The following CUX1 variants were observed in gnomAD, a reference collection of about 807,000 sequenced individuals.
CUX1 encodes protein CASP.
Under a neutral mutation model 158.8 loss-of-function variants are expected in CUX1, and 31 were observed. The ratio of observed to expected loss-of-function variants is 0.20; its 90% CI spans 0.15 to 0.26. CUX1 has a LOEUF of 0.26. CUX1 is among the 10% of genes least tolerant of loss of function. CUX1 has a pLI of 1.00. For missense variants in CUX1, 1,589 were observed against 2,014.6 expected, an observed-to-expected ratio of 0.79 and a Z score of 4.04; for synonymous variants, 879 against 862.1, an observed-to-expected ratio of 1.02 and a Z score of -0.34.
chr7:102,103,168 C>T (rs938628984), intron 5 of CUX1, among the ~76,000 whole-genome samples: 3 of 152,162 alleles, frequency 2.0e-5, no homozygotes, highest in Non-Finnish European at 2.9e-5. Context: ...AGGACTCCTC[C>T]AGGCCACATG....
rs932291794 is a variant in CUX1 at position 101,869,914 on chromosome 7, A to G, written c.31-46201A>G. Among the ~76,000 whole-genome samples the G allele has an allele frequency of 3.2e-4, 49 of 152,020 alleles. No individual in the cohort carries two copies. Among genetic ancestry groups the G allele is most frequent in the South Asian group, 2.1e-4 (1 of 4,830 alleles). On this transcript the variant is annotated intron_variant, in intron 1 of 23. Transcript: ENST00000292535. The surrounding 1 kb of genome is among the most constrained non-coding windows in gnomAD (Gnocchi z 4.5). The stretch of plus-strand genomic sequence containing the variant: ...CACCGTGGTGGGCAGCTTGTCTGCC[A>G]TCCCCTTCCAGGTGCCCCGCAGAAC...
At chr7:101,850,607 TGGGCTC>T (rs1440546826) in intron 1 of CUX1, among the ~76,000 whole-genome samples, 1 of 151,992 alleles carries the variant, frequency 6.6e-6, no homozygotes, top group Admixed American at 6.6e-5. Context: ...CTCGAACTCC[TGGGCTC>T]AAGCAATCCT....
intron 1 of CUX1, among the ~76,000 whole-genome samples, chr7:101,905,387 C>G (rs895977660): frequency 1.6e-4 from 25 of 152,220 alleles, no homozygotes; most frequent in African/African-American, 6.0e-4. Context: ...CCACAGCAGA[C>G]CGCTCTGCAT....
rs778253540 is a variant in CUX1, at chr7:101,916,249, C to T, written c.141+24C>T. The T allele has an allele frequency of 2.8e-5, 40 of 1,432,066 alleles. No homozygotes were observed. In the Admixed American group the frequency reaches 3.7e-4, roughly 13 times the overall value. 88.7% of individuals were successfully genotyped at this position (1,432,066 alleles called of 1,614,324 possible). ...AGGTGAGGCGCGTGACCATCGTGTT[C>T]GCTTTGAAGGGATCTTAGAATGCTG... On this transcript the variant is annotated intron_variant, in intron 2 of 23. Transcript: ENST00000292535. The surrounding 1 kb of genome is among the most constrained non-coding windows in gnomAD (Gnocchi z 4.4).
chr7:101,943,868 A>G (rs1168257285), intron 2 of CUX1, among the ~76,000 whole-genome samples: 2 of 151,632 alleles, frequency 1.3e-5, no homozygotes, highest in East Asian at 1.9e-4. Flanking sequence ...TTGTAATCCC[A>G]GCACTTACAG....
At chr7:102,053,236 T>C (rs1237231327) in intron 3 of CUX1, among the ~76,000 whole-genome samples, 2 of 152,350 alleles carry the variant, frequency 1.3e-5, no homozygotes, top group African/African-American at 4.8e-5. Flanking sequence ...TGGCCATTTG[T>C]ATCTTTGGAG....
intron 8 of CUX1, among the ~76,000 whole-genome samples, chr7:102,147,416 G>A (rs1400002533): frequency 6.6e-6 from 1 of 152,150 alleles, no homozygotes; most frequent in African/African-American, 2.4e-5. Flanking sequence ...GTGGTGAGCT[G>A]GGCCACCTGG....
chr7:101,881,050 G>A (rs1799654277), intron 1 of CUX1, among the ~76,000 whole-genome samples: 1 of 152,194 alleles, frequency 6.6e-6, no homozygotes, highest in Admixed American at 6.5e-5. Flanking sequence ...TAGGGGAAAC[G>A]GGGGCTGAGT....
chr7:102,032,579 G>A (rs1175373557), intron 3 of CUX1, among the ~76,000 whole-genome samples: 1 of 152,100 alleles, frequency 6.6e-6, no homozygotes, highest in East Asian at 1.9e-4. Flanking sequence ...TGAGGCATGA[G>A]AATCAGTTGA....
intron 1 of CUX1, among the ~76,000 whole-genome samples, chr7:101,870,483 G>A (rs972836289): frequency 1.3e-4 from 20 of 152,118 alleles, no homozygotes; most frequent in African/African-American, 4.8e-4. Flanking sequence ...GTTTTAAAGA[G>A]GGGGTGGTGC....
intron 9 of CUX1, among the ~76,000 whole-genome samples, chr7:102,166,082 C>T (rs923239598): frequency 9.2e-5 from 14 of 152,148 alleles, no homozygotes; most frequent in African/African-American, 2.7e-4. Flanking sequence ...GTGCCTGGGG[C>T]CACACATGCC....
chr7:102,158,451 C>T (rs925566254), intron 8 of CUX1, 109 bp from the exon 9 acceptor site: 51 of 1,017,574 alleles, frequency 5.0e-5, no homozygotes, highest in African/African-American at 9.5e-5. Flanking sequence ...CATTGACTCA[C>T]GGGTCTGCAC....
chr7:102,009,592 C>G (rs1817765100), intron 2 of CUX1, among the ~76,000 whole-genome samples: 1 of 152,238 alleles, frequency 6.6e-6, no homozygotes, highest in South Asian at 2.1e-4. Flanking sequence ...TGCACCCAAC[C>G]TGTAGCCTCT....
At position 102,201,301 on chromosome 7, in the gene CUX1, C is replaced by T; in HGVS notation, c.2063-59C>T. On this transcript the variant is annotated intron_variant, in intron 17 of 23. Coordinates refer to ENST00000292535, the MANE Select transcript of CUX1 (RefSeq NM_181552.4). This position sits in a 1 kb window ranked among gnomAD's most constrained non-coding sequence, Gnocchi z 5.0. Reference sequence around the variant, plus strand: ...CAGTAGGTCAAGTTAGGATGAGAAGCATGTCCCCAGCTGAAGGGGGCCGCC... The same window carrying T: ...CAGTAGGTCAAGTTAGGATGAGAAGTATGTCCCCAGCTGAAGGGGGCCGCC... 1.3e-6 allele frequency: 2 copies of T among 1,573,098 alleles called. No individual in the cohort carries two copies. The highest frequency in any genetic ancestry group is 1.7e-6 in the Non-Finnish European group (2 of 1,159,180).
chr7:102,089,826 C>T (rs1828341217), intron 4 of CUX1, among the ~76,000 whole-genome samples: 1 of 152,232 alleles, frequency 6.6e-6, no homozygotes, highest in Non-Finnish European at 1.5e-5. Flanking sequence ...GTGTGTCCTT[C>T]AATGGACAGG....
chr7:101,864,294 G>A (rs1422165287), intron 1 of CUX1, among the ~76,000 whole-genome samples: 1 of 151,748 alleles, frequency 6.6e-6, no homozygotes, highest in Non-Finnish European at 1.5e-5. Context: ...CTGAGTAGCT[G>A]GGACTATAGG....
At chr7:101,890,022 C>T (rs992509864) in intron 1 of CUX1, among the ~76,000 whole-genome samples, 4 of 152,190 alleles carry the variant, frequency 2.6e-5, no homozygotes, top group South Asian at 2.1e-4. Flanking sequence ...GAACCACTCC[C>T]GCCAGTGTGT....
intron 3 of CUX1, among the ~76,000 whole-genome samples, chr7:102,056,892 G>GTTTTTT (rs1824206600): frequency 8.0e-6 from 1 of 124,582 alleles, no homozygotes; most frequent in African/African-American, 3.1e-5. Context: ...TTTGTTTTTT[G>GTTTTTT]TTTTTTGTTT....
chr7:101,898,055 G>A (rs1051322103), intron 1 of CUX1, among the ~76,000 whole-genome samples: 17 of 152,272 alleles, frequency 1.1e-4, no homozygotes, highest in Admixed American at 7.8e-4. Flanking sequence ...AGGGATCTAG[G>A]GGGAAGAGTC....
Sources: gnomAD v4.1 joint callset for allele counts (sites outside exome capture counted in the v4.1 genomes callset) on GRCh38, gnomAD v4.1.1 for gene constraint, Gnocchi (gnomAD v3.1) non-coding constraint, MANE v1.5 for transcripts, NCBI Gene and HGNC (gene_info 2026-07-23, HGNC 2026-07-21) for gene names.